The following IL1RAPL2 variants were observed in gnomAD, a reference collection of about 807,000 sequenced individuals.
IL1RAPL2 encodes the protein X-linked interleukin-1 receptor accessory protein-like 2.
IL1RAPL2 carries 3 observed loss-of-function variants against 44.1 expected under a neutral mutation model. That is an observed-to-expected ratio of 0.07 (90% CI 0.03 to 0.18). The LOEUF is 0.18. Ranked by LOEUF, IL1RAPL2 falls within the 10% of genes least tolerant of loss-of-function variation. The pLI, the probability that IL1RAPL2 is intolerant of heterozygous loss-of-function variation, is 1.00. For synonymous variants in IL1RAPL2, 181 were observed against 178.8 expected (o/e 1.01, Z -0.10); for missense variants, 391 against 496.4 (o/e 0.79, Z 2.02).
intron 5 of IL1RAPL2, among the ~76,000 whole-genome samples, chrX:105,347,104 ATCAG>A (rs2035116398): frequency 8.9e-6 from 1 of 112,120 alleles, no homozygotes; most frequent in Non-Finnish European, 1.9e-5. Flanking sequence ...ACTGATTTAT[ATCAG>A]TCATTTTATT....
At chrX:104,670,741 C>T (rs1270379232) in intron 2 of IL1RAPL2, among the ~76,000 whole-genome samples, 1 of 111,723 alleles carries the variant, frequency 9.0e-6, no homozygotes, top group East Asian at 2.8e-4. Flanking sequence ...TCACCCCACA[C>T]TTCTTCATCC....
chrX:105,751,904 C>T (rs2038600047), intron 9 of IL1RAPL2, among the ~76,000 whole-genome samples: 1 of 111,799 alleles, frequency 8.9e-6, no homozygotes, highest in Non-Finnish European at 1.9e-5. Flanking sequence ...ATAACATAGA[C>T]ACAACTTAAT....
intron 2 of IL1RAPL2, among the ~76,000 whole-genome samples, chrX:104,823,513 G>T (rs769604416): frequency 1.4e-4 from 15 of 107,948 alleles, no homozygotes; most frequent in Admixed American, 3.0e-4. Flanking sequence ...TGGACATTTG[G>T]GTTGGTTCCA....
At chrX:104,888,627 C>A (rs747809277) in intron 2 of IL1RAPL2, among the ~76,000 whole-genome samples, 119 of 109,769 alleles carry the variant, frequency 1.1e-3, no homozygotes, top group Non-Finnish European at 1.8e-3. Context: ...TCAACCTAAC[C>A]CACGCTCTGT....
intron 2 of IL1RAPL2, among the ~76,000 whole-genome samples, chrX:105,194,124 C>T (rs1248954967): frequency 8.9e-6 from 1 of 112,065 alleles, no homozygotes; most frequent in African/African-American, 3.2e-5. Flanking sequence ...GCATCTTCCC[C>T]CTGGGTGTCC....
chrX:104,981,925 C>G (rs1481443251), intron 2 of IL1RAPL2, among the ~76,000 whole-genome samples: 7 of 110,946 alleles, frequency 6.3e-5, no homozygotes, highest in Admixed American at 1.9e-4. Context: ...AAAGGCAGAG[C>G]TAAACATTGT....
chrX:105,222,372 C>T (rs921274946), intron 3 of IL1RAPL2, among the ~76,000 whole-genome samples: 10 of 112,089 alleles, frequency 8.9e-5, no homozygotes, highest in African/African-American at 3.2e-4. Flanking sequence ...TAAAATATTA[C>T]CTAAGAAGGT....
chrX:104,680,410 G>T (rs1465997041), intron 2 of IL1RAPL2, among the ~76,000 whole-genome samples: 1 of 110,988 alleles, frequency 9.0e-6, no homozygotes, highest in Non-Finnish European at 1.9e-5. Context: ...AATTTTCAAA[G>T]GGACATATGA....
chrX:105,374,115 C>CA (rs1177602549), intron 5 of IL1RAPL2, among the ~76,000 whole-genome samples: 1,330 of 45,151 alleles, frequency 0.029, 28 homozygotes, highest in East Asian at 0.16. Flanking sequence ...GCAAGACTGT[C>CA]AAAAAAAAAA....
At chrX:105,562,975 C>T (rs1275990783) in intron 6 of IL1RAPL2, among the ~76,000 whole-genome samples, 1 of 111,672 alleles carries the variant, frequency 9.0e-6, no homozygotes, top group Non-Finnish European at 1.9e-5. Context: ...TAACCAAGTA[C>T]AGATAAATAC....
At chrX:105,085,648 G>T (rs143570941) in intron 2 of IL1RAPL2, among the ~76,000 whole-genome samples, 12 of 111,673 alleles carry the variant, frequency 1.1e-4, no homozygotes, top group African/African-American at 3.9e-4. Context: ...ACTTCCATAT[G>T]ATCCAGCAAT....
At chrX:104,748,499 A>C (rs935153383) in intron 2 of IL1RAPL2, among the ~76,000 whole-genome samples, 1 of 111,520 alleles carries the variant, frequency 9.0e-6, no homozygotes, top group Non-Finnish European at 1.9e-5. Flanking sequence ...GAATACAGTG[A>C]AAGTGACACT....
intron 6 of IL1RAPL2, among the ~76,000 whole-genome samples, chrX:105,604,901 G>A (rs1402163334): frequency 1.8e-5 from 2 of 110,536 alleles, no homozygotes; most frequent in African/African-American, 3.3e-5. Flanking sequence ...ACCTCAGTAG[G>A]TGCAGAAAAA....
chrX:105,704,443 C>A lies in IL1RAPL2; in HGVS notation c.773-12924C>A, dbSNP rs187049058. Among the ~76,000 whole-genome samples, 304 of 111,139 alleles carry A rather than the reference C, an allele frequency of 2.7e-3. 1 individual carries two copies. Among genetic ancestry groups the A allele is most frequent in the African/African-American group, 9.3e-3 (284 of 30,660 alleles). On this transcript the variant is annotated intron_variant, in intron 6 of 10. Coordinates refer to ENST00000372582, the MANE Select transcript of IL1RAPL2 (RefSeq NM_017416.2). ...TGCCAGTGGAGCCTTAACAAGTAGA[C>A]AAAAATGGTTGGCATCAAGCAAATT...
intron 2 of IL1RAPL2, among the ~76,000 whole-genome samples, chrX:104,880,290 G>T (rs1317275711): frequency 9.0e-6 from 1 of 110,956 alleles, no homozygotes; most frequent in Non-Finnish European, 1.9e-5. Flanking sequence ...GCTTCTATAA[G>T]ACAGCCCTGC....
intron 1 of IL1RAPL2, among the ~76,000 whole-genome samples, chrX:104,636,265 C>T (rs942182756): frequency 1.8e-5 from 2 of 112,110 alleles, no homozygotes; most frequent in African/African-American, 6.5e-5. Flanking sequence ...TGGAGGGTGC[C>T]TCCCAGTTAG....
At chrX:104,752,605 A>G (rs938507181) in intron 2 of IL1RAPL2, among the ~76,000 whole-genome samples, 10 of 110,523 alleles carry the variant, frequency 9.0e-5, no homozygotes, top group African/African-American at 3.0e-4. Context: ...CTGAGAAAAT[A>G]TTTAGCATTT....
chrX:105,161,699 G>A (rs1345679251), intron 2 of IL1RAPL2, among the ~76,000 whole-genome samples: 1 of 111,680 alleles, frequency 9.0e-6, no homozygotes, highest in Non-Finnish European at 1.9e-5. Flanking sequence ...ATTTGCTATC[G>A]CCTATCTGTC....
Position 104,659,137 on chromosome X carries a change from A to G in IL1RAPL2, c.82+142A>G, listed in dbSNP as rs1930338033. 2.5e-5 allele frequency: 11 copies of G among 448,311 alleles called. No individual in the cohort carries two copies. In the East Asian group the frequency reaches 3.8e-4, roughly 16 times the overall value. 36.9% of individuals were successfully genotyped at this position (448,311 alleles called of 1,213,427 possible). Reference sequence around the variant, plus strand: ...TTATGTTGGAAAGTAGCCAAAATAAAAATGATGTTTAATCCTACCACTGAG... The same window carrying G: ...TTATGTTGGAAAGTAGCCAAAATAAGAATGATGTTTAATCCTACCACTGAG... On this transcript the variant is annotated intron_variant, in intron 2 of 10. Transcript: ENST00000372582.
Sources: allele counts gnomAD v4.1 joint callset (sites outside exome capture counted in the v4.1 genomes callset), GRCh38; gene constraint gnomAD v4.1.1; transcripts MANE v1.5; gene names NCBI Gene and HGNC (gene_info 2026-07-23, HGNC 2026-07-21).